Variants in PCDHA3 observed in about 807,000 individuals in gnomAD.
The protein encoded by PCDHA3 is protocadherin alpha 3.
In PCDHA3, 41 loss-of-function variants were observed where a neutral mutation model predicts 62.2. That is an observed-to-expected ratio of 0.66 (90% CI 0.51 to 0.86). The LOEUF (loss-of-function observed/expected upper bound fraction) is 0.86. Ranked by LOEUF, PCDHA3 falls within the 40% of genes least tolerant of loss-of-function variation. The probability of loss-of-function intolerance (pLI) is 0.00; values close to 1 mark genes in which losing one functional copy is unlikely to be tolerated. For synonymous variants in PCDHA3, 640 were observed against 555.4 expected (o/e 1.15, Z -2.14); for missense variants, 1,304 against 1,241.2 (o/e 1.05, Z -0.76).
At chr5:140,911,539 C>T (rs1554194791) in intron 1 of PCDHA3, among the ~76,000 whole-genome samples, 1 of 152,194 alleles carries the variant, frequency 6.6e-6, no homozygotes, top group African/African-American at 2.4e-5. Context: ...ATTAGAATCC[C>T]TAAGTTCATC....
At chr5:140,817,419 A>T (rs2150098151) in intron 1 of PCDHA3, 7 of 152,168 alleles carry the variant, frequency 4.6e-5, no homozygotes, top group Non-Finnish European at 1.0e-4. Flanking sequence ...GAGTTGGTAT[A>T]CCTGTGGAGG....
At chr5:140,809,475 GC>G (rs781959582) in intron 1 of PCDHA3, 1 of 1,614,216 alleles carries the variant, frequency 6.2e-7, no homozygotes, top group Non-Finnish European at 8.5e-7. Context: ...TCTGGTGAGG[GC>G]CCACCCAAGA....
Position 141,009,792 on chromosome 5 carries a change from C to T in PCDHA3, c.2708C>T (p.Pro903Leu). Residue 903 changes from proline (P) to leucine (L), a missense_variant, in exon 4 of 4, where the codon CCT (proline) becomes CTT (leucine). Physicochemically the swap from Pro to Leu is moderately conservative, Grantham distance 98. Transcript: ENST00000522353. ...GCAATCATCTCCATCCGGCAGGAGC[C>T]TACTAACAGCCAAATTGACAAAAGT... ...SPAIISIRQEPTNSQIDKSDF... is the reference protein window; with the variant it reads ...SPAIISIRQELTNSQIDKSDF... 1 of 1,614,068 alleles carries T rather than the reference C, an allele frequency of 6.2e-7. No individual in the cohort carries two copies. The highest frequency in any genetic ancestry group is 8.5e-7 in the Non-Finnish European group (1 of 1,180,026).
intron 1 of PCDHA3, chr5:140,883,267 T>C: frequency 6.2e-7 from 1 of 1,614,048 alleles, no homozygotes. Flanking sequence ...TGGCGGGTCA[T>C]TGTACCCTTT....
At chr5:140,892,998 AT>A (rs2063775886) in intron 1 of PCDHA3, among the ~76,000 whole-genome samples, 1 of 152,170 alleles carries the variant, frequency 6.6e-6, no homozygotes, top group South Asian at 2.1e-4. Context: ...GAGAACATGT[AT>A]TTATTTTTCT....
At chr5:140,937,162 C>A (rs2091378704) in intron 1 of PCDHA3, among the ~76,000 whole-genome samples, 1 of 151,684 alleles carries the variant, frequency 6.6e-6, no homozygotes, top group Non-Finnish European at 1.5e-5. Flanking sequence ...CTCAGCCTCC[C>A]GAGTAGCTGG....
chr5:140,874,487 G>T (rs1194886650), intron 1 of PCDHA3, among the ~76,000 whole-genome samples: 11 of 152,214 alleles, frequency 7.2e-5, no homozygotes, highest in African/African-American at 2.2e-4. Flanking sequence ...GCAAAAGGTT[G>T]ATATCAAGTT....
At chr5:140,825,504 A>C (rs2150139800) in intron 1 of PCDHA3, 2 of 151,098 alleles carry the variant, frequency 1.3e-5, no homozygotes, top group South Asian at 4.2e-4. Context: ...GCAATGGTAC[A>C]ATCTTGGCCT....
intron 1 of PCDHA3, among the ~76,000 whole-genome samples, chr5:140,827,789 G>T (rs1378424997): frequency 1.3e-5 from 2 of 152,206 alleles, no homozygotes; most frequent in Non-Finnish European, 2.9e-5. Context: ...AACACTGACC[G>T]TGCAAATTAC....
At chr5:140,893,771 T>C (rs1428542584) in intron 1 of PCDHA3, among the ~76,000 whole-genome samples, 1 of 152,186 alleles carries the variant, frequency 6.6e-6, no homozygotes, top group African/African-American at 2.4e-5. Flanking sequence ...CTTGTCACTT[T>C]TCTTTTACCG....
At chr5:140,830,205 G>C (rs1770893475) in intron 1 of PCDHA3, 1 of 1,613,662 alleles carries the variant, frequency 6.2e-7, no homozygotes, top group Non-Finnish European at 8.5e-7. Flanking sequence ...ATCGCCATCT[G>C]CGCGGTATCC....
chr5:140,890,294 G>A (rs1554184246), intron 1 of PCDHA3, among the ~76,000 whole-genome samples: 1 of 152,132 alleles, frequency 6.6e-6, no homozygotes, highest in Non-Finnish European at 1.5e-5. Flanking sequence ...GTCAGAACCA[G>A]GAGAGGTAAT....
At chr5:140,976,585 C>A (rs1415996919) in intron 1 of PCDHA3, among the ~76,000 whole-genome samples, 1 of 152,064 alleles carries the variant, frequency 6.6e-6, no homozygotes, top group African/African-American at 2.4e-5. Flanking sequence ...AAAACACAGA[C>A]TTTTGTGTTA....
rs145229632 is a variant in PCDHA3 at position 140,928,096 on chromosome 5, C to A, written c.2395-50853C>A. ...CTACTACAGCCTGCTGATTGATGGG[C>A]CCCTGGACCGGGAGCAGATCAGTGA... On this transcript the variant is annotated intron_variant, in intron 1 of 3. Coordinates refer to ENST00000522353, the MANE Select transcript of PCDHA3 (RefSeq NM_018906.3). 3.5e-5 allele frequency: 57 copies of A among 1,614,052 alleles called. No homozygotes were observed. In the African/African-American group the frequency reaches 6.8e-4, roughly 19 times the overall value.
Position 140,847,536 on chromosome 5 carries a change from G to A in PCDHA3, c.2394+43945G>A, listed in dbSNP as rs1162683759. On this transcript the variant is annotated intron_variant, in intron 1 of 3. Transcript: ENST00000522353. ...AACTTAGTCAGGAAAAGAATCTCAAGCATAGCTTTAAAAACAGAAATTGCC... is the reference window on the plus strand; with the variant it reads ...AACTTAGTCAGGAAAAGAATCTCAAACATAGCTTTAAAAACAGAAATTGCC... 3 of 149,444 alleles carry A rather than the reference G, an allele frequency of 2.0e-5. 1 individual carries two copies. Among genetic ancestry groups the A allele is most frequent in the African/African-American group, 7.3e-5 (3 of 40,850 alleles). The allele number at this position is 149,444 out of a possible 1,614,324, so 9.3% of individuals were successfully genotyped here.
chr5:140,988,418 G>T (rs1372180292), intron 3 of PCDHA3, among the ~76,000 whole-genome samples: 2 of 152,150 alleles, frequency 1.3e-5, no homozygotes, highest in Non-Finnish European at 2.9e-5. Context: ...CTTATGTAAA[G>T]AATTTGTTTG....
chr5:140,856,559 C>T (rs782226001), intron 1 of PCDHA3: 3 of 1,598,104 alleles, frequency 1.9e-6, no homozygotes, highest in Non-Finnish European at 2.6e-6. Context: ...TACTTACAAA[C>T]TCAGTCCAAA....
chr5:140,970,894 C>T (rs1302694264), intron 1 of PCDHA3, among the ~76,000 whole-genome samples: 1 of 152,090 alleles, frequency 6.6e-6, no homozygotes, highest in Non-Finnish European at 1.5e-5. Context: ...ATGGACATTT[C>T]AGATAGATTT....
At chr5:140,979,159 T>C in intron 2 of PCDHA3, 152 bp downstream of exon 2, 4 of 1,426,630 alleles carry the variant, frequency 2.8e-6, no homozygotes, top group Non-Finnish European at 3.7e-6. Flanking sequence ...CCATGTTTAT[T>C]CCTTGAAAGA....
Sources: allele counts gnomAD v4.1 joint callset (sites outside exome capture counted in the v4.1 genomes callset), GRCh38; gene constraint gnomAD v4.1.1; transcripts MANE v1.5; gene names NCBI Gene and HGNC (gene_info 2026-07-23, HGNC 2026-07-21).